Variants in FAM193A observed in about 807,000 individuals in gnomAD.
The protein encoded by FAM193A is protein FAM193A.
In FAM193A, 22 loss-of-function variants were observed where a neutral mutation model predicts 126.5. The ratio of observed to expected loss-of-function variants is 0.17; its 90% confidence interval spans 0.12 to 0.25. The LOEUF (loss-of-function observed/expected upper bound fraction) is 0.25, where lower values mean the gene tolerates loss of function less well. Ranked by LOEUF, FAM193A falls within the 10% of genes least tolerant of loss-of-function variation. The pLI, the probability that FAM193A is intolerant of heterozygous loss-of-function variation, is 1.00. For missense variants in FAM193A, 1,675 were observed against 1,672.8 expected (o/e 1.00, Z -0.02); for synonymous variants, 761 against 646.8 (o/e 1.18, Z -2.68).
In FAM193A at chr4:2,728,895, A is replaced by ATTTTTT. The variant is rs1491485597; in HGVS notation, c.4455-2880_4455-2879insTTTTTT. 1.4e-4 allele frequency among the ~76,000 whole-genome samples: 15 copies of ATTTTTT among 105,716 alleles called. 2 individuals are homozygous for ATTTTTT. Among genetic ancestry groups the ATTTTTT allele is most frequent in the South Asian group, 1.1e-3 (4 of 3,752 alleles). 69.4% of individuals were successfully genotyped at this position (105,716 alleles called of 152,430 possible). A position where few individuals can be genotyped will look rare whatever the true frequency, so the allele number is the denominator to read the frequency against. ...TAAGCAAATATGTTCCACCTCCAAA[A>ATTTTTT]CTTTTTTTTTTTTTTTTTTTTTTTT... On this transcript the variant is annotated intron_variant, in intron 20 of 20. Coordinates refer to ENST00000637812, the MANE Select transcript of FAM193A (RefSeq NM_001366318.2).
At chr4:2,646,901 G>A in intron 7 of FAM193A, 69 bp downstream of exon 7, 1 of 1,490,332 alleles carries the variant, frequency 6.7e-7, no homozygotes, top group African/African-American at 1.4e-5. Flanking sequence ...GCAGCACCAA[G>A]TCACTAGCTT....
At chr4:2,599,185 C>G (rs1438912064) in intron 2 of FAM193A, among the ~76,000 whole-genome samples, 1 of 152,102 alleles carries the variant, frequency 6.6e-6, no homozygotes, top group Non-Finnish European at 1.5e-5. Context: ...TTGACACTCT[C>G]AACCTTTCAG....
chr4:2,550,628 G>T (rs900892428), intron 1 of FAM193A, among the ~76,000 whole-genome samples: 2 of 151,182 alleles, frequency 1.3e-5, no homozygotes, highest in African/African-American at 4.9e-5. Context: ...TACAGACGGG[G>T]TTTCTCCATG....
intron 1 of FAM193A, among the ~76,000 whole-genome samples, chr4:2,558,880 A>G (rs1357979150): frequency 6.6e-6 from 1 of 152,222 alleles, no homozygotes; most frequent in Admixed American, 6.5e-5. Flanking sequence ...ATGTACCTGT[A>G]ATTCCAGCTA....
intron 6 of FAM193A, among the ~76,000 whole-genome samples, chr4:2,642,726 TC>T (rs1287690673): frequency 6.8e-6 from 1 of 147,936 alleles, no homozygotes; most frequent in Admixed American, 6.7e-5. Flanking sequence ...ATCATAAAAC[TC>T]CCATCTTTTT....
chr4:2,715,439 A>C, intron 19 of FAM193A: 2 of 917,550 alleles, frequency 2.2e-6, no homozygotes, highest in Non-Finnish European at 2.6e-6. Context: ...ACAGAATGAG[A>C]CTTCATATAA....
At chr4:2,590,390 G>T (rs546388436) in intron 1 of FAM193A, among the ~76,000 whole-genome samples, 2 of 148,110 alleles carry the variant, frequency 1.4e-5, no homozygotes, top group Admixed American at 1.3e-4. Context: ...ATTTGAACTC[G>T]GGAGGCAGAG....
intron 20 of FAM193A, among the ~76,000 whole-genome samples, chr4:2,728,720 C>A (rs1422031199): frequency 1.3e-5 from 2 of 151,922 alleles, no homozygotes; most frequent in African/African-American, 4.8e-5. Context: ...TTATAAATTT[C>A]TGGTTTATAT....
Position 2,586,517 on chromosome 4 carries a change from A to G in FAM193A, c.256-9567A>G, listed in dbSNP as rs182776124. Among the ~76,000 whole-genome samples the G allele has an allele frequency of 3.7e-3, 560 of 152,204 alleles. 4 individuals are homozygous for G. Among genetic ancestry groups the G allele is most frequent in the African/African-American group, 0.013 (539 of 41,530 alleles). Reference sequence around the variant, plus strand: ...TCTTTCCATAGTATTGTAGAATGCCATCTTGGTTATAAATTTAGTGTATGT... The same window carrying G: ...TCTTTCCATAGTATTGTAGAATGCCGTCTTGGTTATAAATTTAGTGTATGT... On this transcript the variant is annotated intron_variant, in intron 1 of 20. Coordinates refer to ENST00000637812, the MANE Select transcript of FAM193A (RefSeq NM_001366318.2).
intron 19 of FAM193A, among the ~76,000 whole-genome samples, chr4:2,711,135 A>G (rs969386560): frequency 1.3e-5 from 2 of 151,868 alleles, no homozygotes; most frequent in African/African-American, 2.4e-5. Flanking sequence ...TACAGGCGTG[A>G]GCCACCACGC....
At chr4:2,686,452 A>G (rs534831226) in intron 13 of FAM193A, among the ~76,000 whole-genome samples, 1 of 152,368 alleles carries the variant, frequency 6.6e-6, no homozygotes, top group Admixed American at 6.5e-5. Context: ...TCTAAAGAGA[A>G]GACAAAAACA....
At chr4:2,714,278 A>G (rs190243414) in intron 19 of FAM193A, among the ~76,000 whole-genome samples, 1 of 152,006 alleles carries the variant, frequency 6.6e-6, no homozygotes, top group East Asian at 1.9e-4. Flanking sequence ...AAAAATCGAG[A>G]CTCAGAATGC....
chr4:2,699,731 C>T lies in FAM193A; in HGVS notation c.3559C>T (p.His1187Tyr). The change falls in exon 19 of 21, where the codon CAC becomes TAC. Residue 1187 changes from histidine (H) to tyrosine (Y), a missense_variant. By Grantham distance (83) the His-to-Tyr change is moderately conservative. This residue lies in a region of FAM193A where 415 missense variants were observed against 396.7 expected (regional missense o/e 1.05). Transcript: ENST00000637812. ...AGAGGCCAGGGCCCGGGAGCACCTG[C>T]ACCTCCAGGAGGAGCAGAGGCGGCG... ...EAEARAREHL[H>Y]LQEEQRRREE... is the part of the protein sequence containing the mutation. 2 of 1,613,756 alleles carry T rather than the reference C, an allele frequency of 1.2e-6. No individual in the cohort carries two copies. Among genetic ancestry groups the T allele is most frequent in the Admixed American group, 1.7e-5 (1 of 59,956 alleles).
chr4:2,563,178 C>T (rs1161404197), intron 1 of FAM193A, among the ~76,000 whole-genome samples: 2 of 151,772 alleles, frequency 1.3e-5, no homozygotes, highest in Admixed American at 6.6e-5. Context: ...CTCCTGACCT[C>T]GTGATCCGCC....
At chr4:2,555,402 G>C (rs1738190394) in intron 1 of FAM193A, among the ~76,000 whole-genome samples, 1 of 152,106 alleles carries the variant, frequency 6.6e-6, no homozygotes, top group Non-Finnish European at 1.5e-5. Context: ...ATAAATCCCA[G>C]AACCATCTAA....
At chr4:2,645,208 T>A (rs1745014640) in intron 6 of FAM193A, among the ~76,000 whole-genome samples, 1 of 152,238 alleles carries the variant, frequency 6.6e-6, no homozygotes, top group Non-Finnish European at 1.5e-5. Context: ...ATCTTTGTGC[T>A]CTTGATATAT....
intron 2 of FAM193A, among the ~76,000 whole-genome samples, chr4:2,609,642 C>T (rs187961585): frequency 9.2e-5 from 14 of 152,260 alleles, no homozygotes; most frequent in African/African-American, 2.4e-4. Flanking sequence ...CGTAGGCCAC[C>T]GTGCACGGCG....
chr4:2,714,977 C>T (rs16843264), intron 19 of FAM193A, among the ~76,000 whole-genome samples: 3,257 of 152,224 alleles, frequency 0.021, 130 homozygotes, highest in African/African-American at 0.074. Context: ...CATAAGCCTC[C>T]GGGAATGTAT....
At chr4:2,572,495 A>G (rs977436054) in intron 1 of FAM193A, among the ~76,000 whole-genome samples, 4 of 152,124 alleles carry the variant, frequency 2.6e-5, no homozygotes, top group African/African-American at 9.7e-5. Flanking sequence ...TCCTAGGGAC[A>G]CTGTATGTCC....
Sources: gnomAD v4.1 joint callset for allele counts (sites outside exome capture counted in the v4.1 genomes callset) on GRCh38, gnomAD v4.1.1 for gene constraint, gnomAD v4.1.1 regional missense constraint, MANE v1.5 for transcripts, NCBI Gene and HGNC (gene_info 2026-07-23, HGNC 2026-07-21) for gene names.